The following EPHA7 variants were observed in gnomAD, a reference collection of about 807,000 sequenced individuals.
The protein encoded by EPHA7 is ephrin type-A receptor 7.
Under a neutral mutation model 112.6 loss-of-function variants are expected in EPHA7, and 25 were observed. That is an observed-to-expected ratio of 0.22 (90% CI 0.16 to 0.31). The LOEUF is 0.31. Ranked by LOEUF, EPHA7 falls within the 10% of genes least tolerant of loss-of-function variation. The pLI is 1.00. For missense variants in EPHA7, 962 were observed against 1,212.6 expected (o/e 0.79, Z 3.07); for synonymous variants, 437 against 406.5 (o/e 1.07, Z -0.90).
At chr6:93,255,595 C>T (rs1342246207) in intron 13 of EPHA7, among the ~76,000 whole-genome samples, 1 of 152,068 alleles carries the variant, frequency 6.6e-6, no homozygotes, top group South Asian at 2.1e-4. Context: ...TTCTATGACT[C>T]TCCCAATATA....
intron 1 of EPHA7, among the ~76,000 whole-genome samples, chr6:93,418,137 G>C (rs892148613): frequency 3.4e-5 from 5 of 146,632 alleles, no homozygotes; most frequent in Non-Finnish European, 7.5e-5. Context: ...ATGAAACTTA[G>C]ATACACAGCC....
At chr6:93,385,674 T>A (rs904161367) in intron 3 of EPHA7, among the ~76,000 whole-genome samples, 1 of 152,044 alleles carries the variant, frequency 6.6e-6, no homozygotes, top group Admixed American at 6.6e-5. Context: ...AAATTATATA[T>A]AAATATATTA....
At chr6:93,404,139 CTAGGTAAT>C (rs1778570888) in intron 3 of EPHA7, among the ~76,000 whole-genome samples, 1 of 151,856 alleles carries the variant, frequency 6.6e-6, no homozygotes, top group African/African-American at 2.4e-5. Context: ...GACAATTTTT[CTAGGTAAT>C]TAGAAGCCTG....
At chr6:93,297,406 C>T (rs942759664) in intron 5 of EPHA7, among the ~76,000 whole-genome samples, 5 of 152,040 alleles carry the variant, frequency 3.3e-5, no homozygotes, top group Non-Finnish European at 7.4e-5. Context: ...TCAAGTAAAG[C>T]ATATTTTTAA....
intron 5 of EPHA7, among the ~76,000 whole-genome samples, chr6:93,296,607 T>C (rs947745314): frequency 5.9e-5 from 9 of 151,388 alleles, no homozygotes; most frequent in Admixed American, 2.6e-4. Flanking sequence ...AAGAAAAATA[T>C]TGCATAATCT....
At chr6:93,357,814 C>T (rs1776031385) in intron 4 of EPHA7, among the ~76,000 whole-genome samples, 2 of 151,968 alleles carry the variant, frequency 1.3e-5, no homozygotes, top group Non-Finnish European at 2.9e-5. Context: ...CCACCACTCC[C>T]AGCTAATTTT....
At position 93,272,382 on chromosome 6, in the gene EPHA7, C is replaced by G; in HGVS notation, c.1365G>C (p.Leu455=). Residue 455 remains leucine (L), a synonymous_variant, in exon 6 of 17, where the codon CTG becomes CTC. Coordinates refer to ENST00000369303, the MANE Select transcript of EPHA7 (RefSeq NM_004440.4). Reference sequence around the variant, plus strand: ...GCCAGGAAAGCTCGACACTCCGCTGCAGTACTCTCTCCTTCATTACTCCAC... The same window carrying G: ...GCCAGGAAAGCTCGACACTCCGCTGGAGTACTCTCTCCTTCATTACTCCAC... The part of the protein sequence containing the change: ...QVSGVMKERV[L]QRSVELSWQE... 1 of 1,612,096 alleles carries G rather than the reference C, an allele frequency of 6.2e-7. No homozygotes were observed. Among genetic ancestry groups the G allele is most frequent in the Non-Finnish European group, 8.5e-7 (1 of 1,178,602 alleles).
intron 2 of EPHA7, among the ~76,000 whole-genome samples, chr6:93,412,850 C>T (rs1335783774): frequency 6.6e-6 from 1 of 151,958 alleles, no homozygotes; most frequent in Non-Finnish European, 1.5e-5. Context: ...CCTAAGAATT[C>T]CTTTATCTAA....
chr6:93,268,757 A>G (rs1284058371), intron 7 of EPHA7, among the ~76,000 whole-genome samples: 2 of 151,784 alleles, frequency 1.3e-5, no homozygotes, highest in African/African-American at 2.4e-5. Context: ...TATACACTAT[A>G]TATACACATG....
At chr6:93,305,079 T>A (rs1480336968) in intron 5 of EPHA7, among the ~76,000 whole-genome samples, 1 of 152,042 alleles carries the variant, frequency 6.6e-6, no homozygotes, top group Non-Finnish European at 1.5e-5. Context: ...CTTTATAAGC[T>A]TTTATATTAG....
At position 93,301,231 on chromosome 6, in the gene EPHA7, A is replaced by T. The variant is rs998913557; in HGVS notation, c.1325-28809T>A. 5.9e-5 allele frequency among the ~76,000 whole-genome samples: 9 copies of T among 152,154 alleles called. No individual in the cohort carries two copies. The South Asian group carries it at 6.2e-4, about 11-fold the overall frequency. On this transcript the variant is annotated intron_variant, in intron 5 of 16. Transcript: ENST00000369303. ...ATTTTCTTTTAAGTTTCTTTTTTTT[A>T]AAATTGATATCTCATATTTGTACAT...
intron 5 of EPHA7, among the ~76,000 whole-genome samples, chr6:93,335,167 C>T (rs1774801916): frequency 6.6e-6 from 1 of 152,098 alleles, no homozygotes; most frequent in African/African-American, 2.4e-5. Context: ...TAAGTGTTAA[C>T]AGACCAGAAT....
chr6:93,248,326 A>G (rs1419076723), intron 14 of EPHA7, among the ~76,000 whole-genome samples: 1 of 152,124 alleles, frequency 6.6e-6, no homozygotes, highest in Non-Finnish European at 1.5e-5. Flanking sequence ...ATTTGAAAAA[A>G]AATTCTTTTG....
At chr6:93,416,725 A>G (rs1779247675) in intron 1 of EPHA7, among the ~76,000 whole-genome samples, 1 of 152,132 alleles carries the variant, frequency 6.6e-6, no homozygotes, top group African/African-American at 2.4e-5. Flanking sequence ...GCTCACCCGG[A>G]CGCTGGGGGC....
At chr6:93,274,292 C>T (rs1771366590) in intron 5 of EPHA7, among the ~76,000 whole-genome samples, 2 of 151,764 alleles carry the variant, frequency 1.3e-5, no homozygotes, top group African/African-American at 4.8e-5. Context: ...GCAGGAGACT[C>T]TGAATTCTTC....
chr6:93,375,491 G>T, intron 3 of EPHA7, among the ~76,000 whole-genome samples: 1 of 151,822 alleles, frequency 6.6e-6, no homozygotes, highest in Non-Finnish European at 1.5e-5. Flanking sequence ...GATGGCATGT[G>T]CCTGTAGTTC....
At chr6:93,283,302 CAAAACAGACCAATCAGCTCTCTGT>C (rs1303301496) in intron 5 of EPHA7, among the ~76,000 whole-genome samples, 4 of 152,086 alleles carry the variant, frequency 2.6e-5, no homozygotes, top group African/African-American at 4.8e-5. Context: ...AGCACCCTGT[CAAAACAGACCAATCAGCTCTCTGT>C]AAAACAGACC....
intron 1 of EPHA7, among the ~76,000 whole-genome samples, chr6:93,415,959 A>G (rs1235960218): frequency 6.6e-6 from 1 of 152,192 alleles, no homozygotes; most frequent in Non-Finnish European, 1.5e-5. Flanking sequence ...TTATGTGTTT[A>G]ATTCCTTCAC....
intron 5 of EPHA7, among the ~76,000 whole-genome samples, chr6:93,307,579 A>G (rs1268070544): frequency 6.6e-6 from 1 of 152,182 alleles, no homozygotes; most frequent in African/African-American, 2.4e-5. Flanking sequence ...ACTGTAAAGC[A>G]TGCAATTCTG....
Sources: gnomAD v4.1 joint callset for allele counts (sites outside exome capture counted in the v4.1 genomes callset) on GRCh38, gnomAD v4.1.1 for gene constraint, MANE v1.5 for transcripts, NCBI Gene and HGNC (gene_info 2026-07-23, HGNC 2026-07-21) for gene names.